PAM: variants seen among roughly 807,000 people sequenced by gnomAD.
PAM encodes peptidyl-glycine alpha-amidating monooxygenase.
PAM carries 72 observed loss-of-function variants against 122.1 expected under a neutral mutation model. The observed-to-expected ratio is 0.59, with a 90% CI of 0.49 to 0.72. PAM has a LOEUF of 0.72. Among genes scored for constraint, PAM ranks in the 30% least tolerant of loss-of-function variants. The pLI is 0.00. For synonymous variants in PAM, 389 were observed against 404.4 expected, an observed-to-expected ratio of 0.96 and a Z score of 0.46; for missense variants, 1,106 against 1,183.7, an observed-to-expected ratio of 0.93 and a Z score of 0.96.
Position 102,846,830 on chromosome 5 carries a change from G to A in PAM, c.-373-18993G>A, listed in dbSNP as rs531656123. On this transcript the variant is annotated intron_variant, in intron 1 of 25. Transcript: ENST00000438793. ...GTTCTTCTGTCACTTTAGCTTGCTC[G>A]TAGCTTTGCTTTGGCTTACTCTAAT... Among the ~76,000 whole-genome samples, 150 of 152,240 alleles carry A rather than the reference G, an allele frequency of 9.9e-4. 1 individual carries two copies. The highest frequency in any genetic ancestry group is 3.4e-3 in the African/African-American group (140 of 41,550).
At chr5:102,801,871 T>TG (rs1313597979) in intron 1 of PAM, among the ~76,000 whole-genome samples, 4 of 144,852 alleles carry the variant, frequency 2.8e-5, no homozygotes, top group Non-Finnish European at 6.0e-5. Flanking sequence ...CTCCGCCTCC[T>TG]GGGTTCACGC....
At chr5:102,898,377 A>G (rs1796757158) in intron 3 of PAM, among the ~76,000 whole-genome samples, 1 of 151,574 alleles carries the variant, frequency 6.6e-6, no homozygotes, top group South Asian at 2.1e-4. Flanking sequence ...CATGATGATG[A>G]TAAATGGAAA....
chr5:102,871,701 A>T (rs112741461), intron 3 of PAM, among the ~76,000 whole-genome samples: 3 of 146,976 alleles, frequency 2.0e-5, no homozygotes, highest in African/African-American at 4.9e-5. Flanking sequence ...TATATATATA[A>T]AATATATATA....
chr5:103,008,099 T>A (rs1378886956), intron 20 of PAM, among the ~76,000 whole-genome samples: 1 of 152,008 alleles, frequency 6.6e-6, no homozygotes. Context: ...TATGCCTAAA[T>A]ACCAGGATAA....
chr5:102,961,234 G>A lies in PAM; in HGVS notation c.1162+5G>A, dbSNP rs1279015209. On this transcript the variant is annotated splice_donor_5th_base_variant and intron_variant, in intron 14 of 25. Coordinates refer to ENST00000438793, the MANE Select transcript of PAM (RefSeq NM_001177306.2). Reference sequence around the variant, plus strand: ...AAGAAGAAGTGTTAGACCAGGGTATGTATGCTTATTTCTATAACTAGTCCT... The same window carrying A: ...AAGAAGAAGTGTTAGACCAGGGTATATATGCTTATTTCTATAACTAGTCCT... 6.7e-7 allele frequency: 1 copy of A among 1,502,282 alleles called. No individual in the cohort carries two copies. Among genetic ancestry groups the A allele is most frequent in the South Asian group, 1.1e-5 (1 of 88,634 alleles). 93.1% of individuals were successfully genotyped at this position (1,502,282 alleles called of 1,614,324 possible).
intron 3 of PAM, among the ~76,000 whole-genome samples, chr5:102,894,354 T>C (rs1016617751): frequency 6.6e-6 from 1 of 151,728 alleles, no homozygotes; most frequent in Non-Finnish European, 1.5e-5. Flanking sequence ...AGCTTACTTA[T>C]GGATTTTGAT....
At chr5:102,999,524 G>A (rs768545315) in intron 16 of PAM, among the ~76,000 whole-genome samples, 6 of 152,296 alleles carry the variant, frequency 3.9e-5, no homozygotes, top group Admixed American at 1.3e-4. Context: ...GACTCTTCGT[G>A]GGGGCTCTCA....
At chr5:102,911,356 ACT>A (rs558794020) in intron 4 of PAM, among the ~76,000 whole-genome samples, 152 of 151,916 alleles carry the variant, frequency 1.0e-3, no homozygotes, top group African/African-American at 3.0e-3. Flanking sequence ...GTGAAAGGAA[ACT>A]CTGAAGAATT....
chr5:102,761,040 A>G (rs460657), intron 1 of PAM, among the ~76,000 whole-genome samples: 77,449 of 151,942 alleles, frequency 0.51, 20,272 homozygotes, highest in African/African-American at 0.63. Flanking sequence ...AAGGACAAGA[A>G]TTGCATGTTA....
Position 102,901,407 on chromosome 5 carries a change from T to G in PAM, c.262T>G (p.Phe88Val). ...GCGAATACCAGTGGATGAGGAAGCC[T>G]TCGTGAGTAAGTATTAATTGGATTG... ...SMRIPVDEEA[F>V]VIDFKPRASM... Residue 88 changes from phenylalanine to valine, a missense_variant, in exon 4 of 26, where the codon TTC (phenylalanine) becomes GTC (valine). This residue lies in a region of PAM where 670 missense variants were observed against 690.3 expected (regional missense o/e 0.97). Coordinates refer to ENST00000438793, the MANE Select transcript of PAM (RefSeq NM_001177306.2). The G allele has an allele frequency of 6.4e-7, 1 of 1,559,434 alleles. No individual in the cohort carries two copies. Among genetic ancestry groups the G allele is most frequent in the Non-Finnish European group, 8.8e-7 (1 of 1,131,564 alleles).
At chr5:102,948,812 A>G (rs1429008855) in intron 9 of PAM, among the ~76,000 whole-genome samples, 2 of 152,134 alleles carry the variant, frequency 1.3e-5, no homozygotes, top group African/African-American at 4.8e-5. Flanking sequence ...AAATTAAACG[A>G]CTAGCAAATC....
chr5:102,812,423 T>G (rs975857619), intron 1 of PAM, among the ~76,000 whole-genome samples: 2 of 152,076 alleles, frequency 1.3e-5, no homozygotes, highest in African/African-American at 2.4e-5. Context: ...TGTAGTATGT[T>G]AGTTTTGGAC....
intron 7 of PAM, among the ~76,000 whole-genome samples, chr5:102,934,233 G>A (rs1282461040): frequency 6.6e-6 from 1 of 152,132 alleles, no homozygotes; most frequent in Non-Finnish European, 1.5e-5. Context: ...ACAGTGGAAG[G>A]GAGACATAAA....
chr5:102,957,523 T>C (rs185729073), intron 12 of PAM, among the ~76,000 whole-genome samples: 1 of 152,074 alleles, frequency 6.6e-6, no homozygotes, highest in African/African-American at 2.4e-5. Flanking sequence ...TTTGCTTTTT[T>C]TTTTCTTTTC....
At chr5:102,873,526 C>A (rs1788192949) in intron 3 of PAM, 1 of 152,432 alleles carries the variant, frequency 6.6e-6, no homozygotes, top group Non-Finnish European at 1.5e-5. Context: ...GTCCAGCCTA[C>A]CTTCCCTAGT....
Position 102,865,937 on chromosome 5 carries a change from G to A in PAM, c.-259G>A. 1 of 415,258 alleles carries A rather than the reference G, an allele frequency of 2.4e-6. No homozygotes were observed. 25.7% of individuals were successfully genotyped at this position (415,258 alleles called of 1,614,324 possible). A position where few individuals can be genotyped will look rare whatever the true frequency, so the allele number is the denominator to read the frequency against. On this transcript the variant is annotated 5_prime_UTR_variant, in exon 2 of 26. Transcript: ENST00000438793. Reference sequence around the variant, plus strand: ...AGCGCCAGGGCACGCGAGCGGCGCTGGAGGGAGGAAAGCTTCCGCCTGCGG... The same window carrying A: ...AGCGCCAGGGCACGCGAGCGGCGCTAGAGGGAGGAAAGCTTCCGCCTGCGG...
chr5:102,798,707 G>A (rs756897055), intron 1 of PAM, among the ~76,000 whole-genome samples: 10 of 152,034 alleles, frequency 6.6e-5, no homozygotes, highest in Non-Finnish European at 1.3e-4. Context: ...TTGCAAATCT[G>A]GTTAGTTTGC....
chr5:102,924,924 A>G (rs754777893), intron 5 of PAM, 33 bp from the exon 6 acceptor site: 1 of 1,130,650 alleles, frequency 8.8e-7, no homozygotes, highest in Non-Finnish European at 1.4e-6. Context: ...CACTATTTAA[A>G]TCTTCATTTA....
At chr5:102,958,714 T>C (rs968349301) in intron 12 of PAM, among the ~76,000 whole-genome samples, 1 of 152,188 alleles carries the variant, frequency 6.6e-6, no homozygotes, top group Non-Finnish European at 1.5e-5. Context: ...TCTCAAGGGC[T>C]CTATATTTTC....
Sources: allele counts gnomAD v4.1 joint callset (sites outside exome capture counted in the v4.1 genomes callset), GRCh38; gene constraint gnomAD v4.1.1; regional missense constraint gnomAD v4.1.1; transcripts MANE v1.5; gene names NCBI Gene and HGNC (gene_info 2026-07-23, HGNC 2026-07-21).